The following DCC variants were observed in gnomAD, a reference collection of about 807,000 sequenced individuals.
DCC encodes DCC netrin 1 receptor, also known as netrin receptor DCC.
A neutral mutation model predicts 172.5 loss-of-function variants in DCC; 58 were observed. The observed-to-expected ratio is 0.34, with a 90% CI of 0.27 to 0.42. The LOEUF is 0.42. Ranked by LOEUF, DCC falls within the 10% of genes least tolerant of loss-of-function variation. The pLI is 1.00. For synonymous variants in DCC, 709 were observed against 644.5 expected, an observed-to-expected ratio of 1.10 and a Z score of -1.52; for missense variants, 1,740 against 1,791.0, an observed-to-expected ratio of 0.97 and a Z score of 0.51.
chr18:53,444,262 C>T (rs1480210652), intron 22 of DCC, among the ~76,000 whole-genome samples: 1 of 152,186 alleles, frequency 6.6e-6, no homozygotes, highest in African/African-American at 2.4e-5. Context: ...TTGCCACAGG[C>T]TGGGCATGGT....
At chr18:52,585,760 T>C (rs912750166) in intron 1 of DCC, among the ~76,000 whole-genome samples, 2 of 152,210 alleles carry the variant, frequency 1.3e-5, no homozygotes, top group African/African-American at 4.8e-5. Flanking sequence ...TCTTCAGAAT[T>C]TACCAGCATT....
At chr18:53,109,051 T>C (rs545430413) in intron 7 of DCC, among the ~76,000 whole-genome samples, 24 of 151,482 alleles carry the variant, frequency 1.6e-4, no homozygotes, top group African/African-American at 5.6e-4. Flanking sequence ...GCAATTACTC[T>C]ATATTCTCAT....
At chr18:52,729,551 T>C (rs547411651) in intron 1 of DCC, among the ~76,000 whole-genome samples, 1 of 152,348 alleles carries the variant, frequency 6.6e-6, no homozygotes, top group Non-Finnish European at 1.5e-5. Flanking sequence ...TGAGCCACCA[T>C]GCCCAGCCAT....
intron 24 of DCC, among the ~76,000 whole-genome samples, chr18:53,461,937 G>A (rs914497940): frequency 6.6e-6 from 1 of 152,166 alleles, no homozygotes; most frequent in South Asian, 2.1e-4. Context: ...GAAATGGAAC[G>A]GTGGGATTGA....
At chr18:53,022,857 A>G (rs922152647) in intron 5 of DCC, among the ~76,000 whole-genome samples, 1 of 152,072 alleles carries the variant, frequency 6.6e-6, no homozygotes, top group Non-Finnish European at 1.5e-5. Flanking sequence ...TCAAACAATA[A>G]TAAGTTTTGT....
At chr18:52,721,581 C>T (rs1437118155) in intron 1 of DCC, among the ~76,000 whole-genome samples, 1 of 152,168 alleles carries the variant, frequency 6.6e-6, no homozygotes, top group Non-Finnish European at 1.5e-5. Flanking sequence ...TTCCAATGTA[C>T]AATGGGCCTT....
chr18:53,118,898 A>G (rs1431522605), intron 7 of DCC, among the ~76,000 whole-genome samples: 1 of 151,784 alleles, frequency 6.6e-6, no homozygotes, highest in African/African-American at 2.4e-5. Context: ...ATGCTACTTT[A>G]ATTTTTTTTC....
chr18:52,518,749 G>T (rs1373553804), intron 1 of DCC, among the ~76,000 whole-genome samples: 1 of 152,168 alleles, frequency 6.6e-6, no homozygotes, highest in Non-Finnish European at 1.5e-5. Context: ...ACCATTCTTT[G>T]CTCATAAACT....
intron 5 of DCC, among the ~76,000 whole-genome samples, chr18:52,959,029 G>C (rs576404835): frequency 7.2e-5 from 11 of 152,008 alleles, no homozygotes; most frequent in African/African-American, 2.7e-4. Context: ...TGTATTTTTT[G>C]TGTGGCCGAA....
chr18:53,534,108 G>T lies in DCC; in HGVS notation c.*3455G>T, dbSNP rs1159152954. The stretch of plus-strand genomic sequence containing the variant: ...GACTTTGTTTAAATAATCATCTTAT[G>T]GTTGTCCCCAAATGTAATATGGTAT... On this transcript the variant is annotated 3_prime_UTR_variant, in exon 29 of 29. Transcript: ENST00000442544. 1 of 152,116 alleles carries T rather than the reference G, an allele frequency of 6.6e-6. No individual in the cohort carries two copies. Among genetic ancestry groups the T allele is most frequent in the Non-Finnish European group, 1.5e-5 (1 of 68,026 alleles). The allele number at this position is 152,116 out of a possible 1,614,324, so 9.4% of individuals were successfully genotyped here. A position where few individuals can be genotyped will look rare whatever the true frequency, so the allele number is the denominator to read the frequency against.
chr18:53,158,295 A>C (rs538640173), intron 8 of DCC, among the ~76,000 whole-genome samples: 1 of 152,332 alleles, frequency 6.6e-6, no homozygotes, highest in South Asian at 2.1e-4. Flanking sequence ...TGAGCTGTAC[A>C]TATCTGGTTT....
At chr18:52,667,419 T>A (rs1286458683) in intron 1 of DCC, among the ~76,000 whole-genome samples, 2 of 152,270 alleles carry the variant, frequency 1.3e-5, no homozygotes, top group Non-Finnish European at 2.9e-5. Context: ...AGTTCTATTT[T>A]ATTTCCTAAA....
intron 1 of DCC, among the ~76,000 whole-genome samples, chr18:52,672,950 C>T (rs1035797496): frequency 2.6e-5 from 4 of 152,154 alleles, no homozygotes; most frequent in African/African-American, 9.7e-5. Context: ...TTAGTCCCAG[C>T]TACTTGGGAG....
intron 1 of DCC, among the ~76,000 whole-genome samples, chr18:52,676,573 C>A (rs2035650109): frequency 6.6e-6 from 1 of 152,052 alleles, no homozygotes; most frequent in Non-Finnish European, 1.5e-5. Context: ...AAATTGAGGC[C>A]ACGACTTGGG....
chr18:53,416,749 T>C (rs1910331607), intron 21 of DCC, among the ~76,000 whole-genome samples: 1 of 152,148 alleles, frequency 6.6e-6, no homozygotes, highest in South Asian at 2.1e-4. Context: ...CTGATTTGTA[T>C]AGAGAAACAG....
chr18:52,429,290 T>G (rs1987542808), intron 1 of DCC, among the ~76,000 whole-genome samples: 1 of 152,086 alleles, frequency 6.6e-6, no homozygotes, highest in Non-Finnish European at 1.5e-5. Flanking sequence ...TTGTATAAAT[T>G]GCATCGAAGT....
chr18:53,439,851 G>A lies in DCC; in HGVS notation c.3229+4642G>A, dbSNP rs528920076. Among the ~76,000 whole-genome samples the A allele has an allele frequency of 4.0e-3, 571 of 144,462 alleles. 5 individuals are homozygous for A. Among genetic ancestry groups the A allele is most frequent in the Admixed American group, 3.5e-3 (49 of 14,086 alleles). 94.8% of individuals were successfully genotyped at this position (144,462 alleles called of 152,430 possible). A position where few individuals can be genotyped will look rare whatever the true frequency, so the allele number is the denominator to read the frequency against. On this transcript the variant is annotated intron_variant, in intron 22 of 28. Coordinates refer to ENST00000442544, the MANE Select transcript of DCC (RefSeq NM_005215.4). The stretch of plus-strand genomic sequence containing the variant: ...GGGATCTCGGCTCACTGCAAGCTCC[G>A]CCTCCCGGGTTCACGCCATTCTCCT...
chr18:52,616,391 C>A (rs2034382913), intron 1 of DCC, among the ~76,000 whole-genome samples: 1 of 152,016 alleles, frequency 6.6e-6, no homozygotes, highest in African/African-American at 2.4e-5. Flanking sequence ...ATTGTTCTTA[C>A]AATTCAAAGT....
At chr18:53,392,320 G>A (rs938906273) in intron 17 of DCC, among the ~76,000 whole-genome samples, 1 of 131,648 alleles carries the variant, frequency 7.6e-6, no homozygotes, top group African/African-American at 2.5e-5. Context: ...ACTGGGAATA[G>A]ATAAGTTGAA....
Sources: allele counts gnomAD v4.1 joint callset (sites outside exome capture counted in the v4.1 genomes callset), GRCh38; gene constraint gnomAD v4.1.1; transcripts MANE v1.5; gene names NCBI Gene and HGNC (gene_info 2026-07-23, HGNC 2026-07-21).